SLC30A7: variants seen among roughly 807,000 people sequenced by gnomAD.
SLC30A7 encodes solute carrier family 30 member 7, also known as zinc transporter 7.
Under a neutral mutation model 46.0 loss-of-function variants are expected in SLC30A7, and 35 were observed. The ratio of observed to expected loss-of-function variants is 0.76; its 90% CI spans 0.58 to 1.01. The LOEUF is 1.01. Among genes scored for constraint, SLC30A7 ranks in the 50% least tolerant of loss-of-function variants. The pLI is 0.00. For missense variants in SLC30A7, 464 were observed against 451.1 expected (o/e 1.03, Z -0.26); for synonymous variants, 147 against 157.8 (o/e 0.93, Z 0.51).
At chr1:100,938,066 G>A (rs1654080388) in intron 8 of SLC30A7, among the ~76,000 whole-genome samples, 1 of 152,124 alleles carries the variant, frequency 6.6e-6, no homozygotes, top group Non-Finnish European at 1.5e-5. Context: ...GTTTATTTCT[G>A]GGCTGTCTGT....
intron 7 of SLC30A7, 87 bp downstream of exon 7, chr1:100,918,214 GA>G: frequency 1.8e-6 from 2 of 1,134,672 alleles, no homozygotes; most frequent in South Asian, 1.3e-5. Context: ...TTTCCTTTAA[GA>G]AAAATATAAA....
chr1:100,990,187 T>C, the SLC30A7 span: 17 of 534,326 alleles, frequency 3.2e-5, no homozygotes, highest in African/African-American at 2.1e-4. Flanking sequence ...TGAGAGCCAG[T>C]AGGGGAAATG....
intron 2 of SLC30A7, among the ~76,000 whole-genome samples, chr1:100,903,310 CTTTA>C (rs1651430379): frequency 6.6e-6 from 1 of 151,956 alleles, no homozygotes; most frequent in East Asian, 1.9e-4. Context: ...TAGACAATGT[CTTTA>C]TTAATGGTTT....
chr1:100,918,638 T>G (rs1570528942), intron 7 of SLC30A7, among the ~76,000 whole-genome samples: 1 of 152,172 alleles, frequency 6.6e-6, no homozygotes, highest in East Asian at 1.9e-4. Context: ...CCGAACATCA[T>G]AGTTTTGCCT....
At chr1:100,942,035 C>T (rs1370571033) in intron 8 of SLC30A7, 5 of 212,336 alleles carry the variant, frequency 2.4e-5, no homozygotes, top group Middle Eastern at 1.7e-3. Flanking sequence ...GCCTCCTTGA[C>T]GGCATCCTCT....
intron 8 of SLC30A7, among the ~76,000 whole-genome samples, chr1:100,937,592 G>T (rs183992521): frequency 1.3e-4 from 20 of 151,828 alleles, no homozygotes; most frequent in African/African-American, 4.6e-4. Flanking sequence ...ATTTTTTCTT[G>T]TACTTATTGG....
At chr1:100,934,973 G>A (rs1653863281) in intron 8 of SLC30A7, among the ~76,000 whole-genome samples, 1 of 152,056 alleles carries the variant, frequency 6.6e-6, no homozygotes, top group South Asian at 2.1e-4. Flanking sequence ...CTGCACTCCA[G>A]CCTGGGTGAC....
At chr1:100,946,378 A>G (rs1166703098) in intron 8 of SLC30A7, among the ~76,000 whole-genome samples, 1 of 152,152 alleles carries the variant, frequency 6.6e-6, no homozygotes, top group East Asian at 1.9e-4. Context: ...TTTCAAAGGA[A>G]ATGCTTCCAG....
chr1:100,896,732 T>G (rs1557969657), intron 2 of SLC30A7, 61 bp downstream of exon 2: 11 of 1,392,046 alleles, frequency 7.9e-6, no homozygotes, highest in Middle Eastern at 1.7e-4. Context: ...AAGCACTGTT[T>G]GCTTAATGCC....
the SLC30A7 span, among the ~76,000 whole-genome samples, chr1:100,994,473 C>T: frequency 2.0e-5 from 3 of 151,602 alleles, no homozygotes; most frequent in Non-Finnish European, 4.4e-5. Flanking sequence ...GAAAATAAGG[C>T]TCAGAGATGG....
chr1:100,989,191 T>C, the SLC30A7 span, among the ~76,000 whole-genome samples: 10 of 152,226 alleles, frequency 6.6e-5, no homozygotes, highest in Non-Finnish European at 1.5e-4. Flanking sequence ...ACATATACAA[T>C]GGCATATTAA....
At chr1:100,916,143 T>C (rs1652529219) in intron 6 of SLC30A7, among the ~76,000 whole-genome samples, 1 of 151,774 alleles carries the variant, frequency 6.6e-6, no homozygotes, top group South Asian at 2.1e-4. Flanking sequence ...TTTTTTTATT[T>C]TTAATTTTTG....
chr1:100,992,603 AATAAT>A, the SLC30A7 span: 4 of 1,473,016 alleles, frequency 2.7e-6, no homozygotes, highest in Non-Finnish European at 3.8e-6. Context: ...GTAACAGAGG[AATAAT>A]ATGAGAGCCC....
chr1:100,957,585 CTATT>C lies in SLC30A7; in HGVS notation c.843-4240_843-4237del, dbSNP rs150446150. Among the ~76,000 whole-genome samples, 1,476 of 152,202 alleles carry C rather than the reference CTATT, an allele frequency of 9.7e-3. 17 individuals are homozygous for C. The highest frequency in any genetic ancestry group is 0.065 in the South Asian group (314 of 4,820). ...GGAAGACTATGTGATTTGCTTAAAG[CTATT>C]TAATGGCAGAATCAGAACCCAAGTG... On this transcript the variant is annotated intron_variant, in intron 8 of 10. Transcript: ENST00000357650.
chr1:100,958,456 G>A (rs1024324385), intron 8 of SLC30A7, among the ~76,000 whole-genome samples: 6 of 152,174 alleles, frequency 3.9e-5, no homozygotes, highest in Admixed American at 3.3e-4. Flanking sequence ...GATTACAGGC[G>A]TGAGCCACCG....
chr1:100,978,176 G>C lies in SLC30A7; in HGVS notation c.*3319G>C, dbSNP rs1048771129. 6.6e-6 allele frequency: 1 copy of C among 152,180 alleles called. No homozygotes were observed. Among genetic ancestry groups the C allele is most frequent in the African/African-American group, 2.4e-5 (1 of 41,432 alleles). The allele number at this position is 152,180 out of a possible 1,614,324, so 9.4% of individuals were successfully genotyped here. On this transcript the variant is annotated 3_prime_UTR_variant, in exon 11 of 11. Transcript: ENST00000357650. ...GTGAAGGACAGTATCTAGTTTATCTGTAGGTCAGTGTTCCTTGTGCTGTCA... is the reference window on the plus strand; with the variant it reads ...GTGAAGGACAGTATCTAGTTTATCTCTAGGTCAGTGTTCCTTGTGCTGTCA...
At chr1:100,945,450 A>G (rs1390080853) in intron 8 of SLC30A7, among the ~76,000 whole-genome samples, 1 of 152,104 alleles carries the variant, frequency 6.6e-6, no homozygotes, top group Non-Finnish European at 1.5e-5. Context: ...ATCCATCTTG[A>G]ATTAATTTTT....
At chr1:100,896,429 G>C (rs1343612094) in intron 1 of SLC30A7, 87 bp downstream of exon 1, 10 of 1,509,250 alleles carry the variant, frequency 6.6e-6, no homozygotes, top group Non-Finnish European at 9.2e-6. Context: ...TCCAGTGAGG[G>C]AGAGTCAAAA....
the SLC30A7 span, among the ~76,000 whole-genome samples, chr1:100,986,938 T>C: frequency 6.6e-6 from 1 of 152,348 alleles, no homozygotes; most frequent in East Asian, 1.9e-4. Context: ...CCTTCAGGTA[T>C]TTCTATTTTA....
Sources: gnomAD v4.1 joint callset for allele counts (sites outside exome capture counted in the v4.1 genomes callset) on GRCh38, gnomAD v4.1.1 for gene constraint, MANE v1.5 for transcripts, NCBI Gene and HGNC (gene_info 2026-07-23, HGNC 2026-07-21) for gene names.